DNAH3: variants seen among roughly 807,000 people sequenced by gnomAD.
DNAH3 encodes the protein dynein axonemal heavy chain 3.
DNAH3 carries 332 observed loss-of-function variants against 432.5 expected under a neutral mutation model. The observed-to-expected ratio is 0.77, with a 90% CI of 0.70 to 0.84. DNAH3 has a LOEUF of 0.84. Among genes scored for constraint, DNAH3 ranks in the 40% least tolerant of loss-of-function variants. The probability of loss-of-function intolerance (pLI) is 0.00; values close to 1 mark genes in which losing one functional copy is unlikely to be tolerated. For synonymous variants in DNAH3, 1,956 were observed against 1,900.2 expected, an observed-to-expected ratio of 1.03 and a Z score of -0.76; for missense variants, 4,861 against 5,114.0, an observed-to-expected ratio of 0.95 and a Z score of 1.51.
chr16:21,004,559 G>A (rs1193996736), intron 41 of DNAH3, among the ~76,000 whole-genome samples: 1 of 151,988 alleles, frequency 6.6e-6, no homozygotes, highest in Non-Finnish European at 1.5e-5. Context: ...GTAGACACAG[G>A]GTTTTGCCAT....
chr16:21,113,402 T>C (rs990841802), intron 12 of DNAH3, among the ~76,000 whole-genome samples: 1 of 152,204 alleles, frequency 6.6e-6, no homozygotes, highest in African/African-American at 2.4e-5. Flanking sequence ...TAATACTTTG[T>C]ATCCCTCAAT....
chr16:21,089,208 C>T (rs529907650), intron 18 of DNAH3, among the ~76,000 whole-genome samples: 1 of 152,162 alleles, frequency 6.6e-6, no homozygotes, highest in Non-Finnish European at 1.5e-5. Flanking sequence ...AATGAGAATG[C>T]TGCTTTGTCC....
At chr16:21,042,117 C>A (rs763077413) in exon 32 of DNAH3, 10 of 1,613,790 alleles carry the variant, frequency 6.2e-6, no homozygotes, top group Non-Finnish European at 8.5e-6. Context: ...AGAGCTCAGT[C>A]CCTTCAAAGA....
chr16:20,964,633 G>C lies in DNAH3; in HGVS notation c.9251C>G (p.Pro3084Arg), dbSNP rs773286038. The C allele has an allele frequency of 1.6e-5, 26 of 1,614,070 alleles. 1 individual carries two copies. In the South Asian group the frequency reaches 2.7e-4, roughly 17 times the overall value. ...AATCCATTTATTGGCCTGCCCGTGAGGGTCAATCATTAAGGCCCAGCGTCT... is the reference window on the plus strand; with the variant it reads ...AATCCATTTATTGGCCTGCCCGTGACGGTCAATCATTAAGGCCCAGCGTCT... The change falls in exon 53 of 62, where the codon CCT (proline) becomes CGT (arginine). Residue 3084 changes from proline (P) to arginine (R), a missense_variant. By Grantham distance (103) the Pro-to-Arg change is moderately radical. Transcript: ENST00000261383.
intron 59 of DNAH3, 46 bp downstream of exon 59, chr16:20,941,355 C>A: frequency 2.5e-6 from 4 of 1,610,410 alleles, no homozygotes; most frequent in Non-Finnish European, 3.4e-6. Flanking sequence ...AGATCCTACT[C>A]CTCACGTTCC....
At chr16:20,944,812 A>G in intron 57 of DNAH3, 149 bp from the exon 58 acceptor site, 1 of 756,392 alleles carries the variant, frequency 1.3e-6, no homozygotes, top group Admixed American at 2.4e-5. Flanking sequence ...CGCTGGGAGA[A>G]CACAACCCTA....
Position 21,034,094 on chromosome 16 carries a change from A to G in DNAH3, c.5086-9T>C. 1 of 1,577,388 alleles carries G rather than the reference A, an allele frequency of 6.3e-7. No homozygotes were observed. Among genetic ancestry groups the G allele is most frequent in the Non-Finnish European group, 8.7e-7 (1 of 1,147,650 alleles). On this transcript the variant is annotated splice_polypyrimidine_tract_variant and intron_variant, in intron 35 of 61. Transcript: ENST00000261383. ...AGCATCATTTCGTAGATCTGGGAGG[A>G]GACATCATTCATAAAAGAAGCTAAT... is the stretch of plus-strand genomic sequence containing the variant.
chr16:21,047,072 AG>A (rs2089734632), intron 31 of DNAH3, among the ~76,000 whole-genome samples: 1 of 151,846 alleles, frequency 6.6e-6, no homozygotes, highest in Non-Finnish European at 1.5e-5. Flanking sequence ...CTTCCCTTTG[AG>A]GGTAACCCGA....
intron 20 of DNAH3, among the ~76,000 whole-genome samples, chr16:21,080,016 T>C (rs543164992): frequency 1.3e-5 from 2 of 152,224 alleles, no homozygotes; most frequent in African/African-American, 2.4e-5. Flanking sequence ...GAGCCACATA[T>C]GTAATTTTAA....
At chr16:21,110,744 C>G (rs2092050891) in intron 14 of DNAH3, among the ~76,000 whole-genome samples, 1 of 152,098 alleles carries the variant, frequency 6.6e-6, no homozygotes, top group African/African-American at 2.4e-5. Flanking sequence ...GTGGCTCACA[C>G]CTGTAGTCCC....
chr16:21,066,399 A>C (rs2090552549), intron 24 of DNAH3, among the ~76,000 whole-genome samples: 2 of 150,468 alleles, frequency 1.3e-5, no homozygotes, highest in Admixed American at 6.6e-5. Flanking sequence ...ACATGGTCTG[A>C]CTCTGTTGCC....
intron 8 of DNAH3, among the ~76,000 whole-genome samples, chr16:21,125,887 C>T (rs1180587160): frequency 6.6e-6 from 1 of 152,190 alleles, no homozygotes; most frequent in Non-Finnish European, 1.5e-5. Context: ...TGGCTCATGC[C>T]TGTAATCCCA....
At chr16:21,010,540 A>G (rs551013384) in intron 41 of DNAH3, among the ~76,000 whole-genome samples, 1 of 152,314 alleles carries the variant, frequency 6.6e-6, no homozygotes, top group East Asian at 1.9e-4. Flanking sequence ...GAATCCCACA[A>G]GGGTCTGCTT....
At chr16:21,036,752 G>T in exon 35 of DNAH3, 1 of 1,614,022 alleles carries the variant, frequency 6.2e-7, no homozygotes. Context: ...ACTGGCTGGA[G>T]TTTCATCTTT....
intron 44 of DNAH3, among the ~76,000 whole-genome samples, chr16:20,988,885 G>A (rs1214751111): frequency 6.6e-6 from 1 of 151,990 alleles, no homozygotes; most frequent in African/African-American, 2.4e-5. Context: ...TGAAGCTGCA[G>A]ACCTTCGCGG....
At chr16:20,950,372 G>A (rs960728135) in intron 56 of DNAH3, among the ~76,000 whole-genome samples, 1 of 152,156 alleles carries the variant, frequency 6.6e-6, no homozygotes, top group Admixed American at 6.5e-5. Flanking sequence ...CTTGTACATC[G>A]TAGACTGTTC....
intron 58 of DNAH3, among the ~76,000 whole-genome samples, chr16:20,943,379 T>C (rs1319010050): frequency 6.6e-6 from 1 of 151,598 alleles, no homozygotes; most frequent in Non-Finnish European, 1.5e-5. Flanking sequence ...CACCCAGCCC[T>C]CGGTTAACTT....
rs372484847 is a variant in DNAH3 at position 21,014,898 on chromosome 16, A to T, written c.6022+4726T>A. ...TTAACAAAAAATATACAAGATCTAT[A>T]TGAGGAAAACTATAAAACTCTAGCC... is the stretch of plus-strand genomic sequence containing the variant. On this transcript the variant is annotated intron_variant, in intron 41 of 61. Transcript: ENST00000261383. Among the ~76,000 whole-genome samples, 216 of 151,914 alleles carry T rather than the reference A, an allele frequency of 1.4e-3. 8 individuals are homozygous for T. In the South Asian group the frequency reaches 0.044, roughly 31 times the overall value.
intron 41 of DNAH3, among the ~76,000 whole-genome samples, chr16:21,007,870 TTTCACTATAGTGTGAGGCAGAAC>T (rs2087393643): frequency 1.3e-5 from 2 of 152,224 alleles, no homozygotes. Flanking sequence ...TGAGTTAATT[TTTCACTATAGTGTGAGGCAGAAC>T]TACAAATTCA....
Sources: allele counts gnomAD v4.1 joint callset (sites outside exome capture counted in the v4.1 genomes callset), GRCh38; gene constraint gnomAD v4.1.1; transcripts MANE v1.5; gene names NCBI Gene and HGNC (gene_info 2026-07-23, HGNC 2026-07-21).